NUP210: variants seen among roughly 807,000 people sequenced by gnomAD.
NUP210 encodes the protein nuclear pore membrane glycoprotein 210.
NUP210 carries 151 observed loss-of-function variants against 196.0 expected under a neutral mutation model. The ratio of observed to expected loss-of-function variants is 0.77; its 90% confidence interval spans 0.67 to 0.88. The LOEUF (loss-of-function observed/expected upper bound fraction) is 0.88. Ranked by LOEUF, NUP210 falls within the 40% of genes least tolerant of loss-of-function variation. The pLI is 0.00. For synonymous variants in NUP210, 1,070 were observed against 1,052.7 expected, an observed-to-expected ratio of 1.02 and a Z score of -0.32; for missense variants, 2,314 against 2,493.7, an observed-to-expected ratio of 0.93 and a Z score of 1.53.
At chr3:13,334,300 G>C (rs534641047) in intron 28 of NUP210, among the ~76,000 whole-genome samples, 2 of 152,276 alleles carry the variant, frequency 1.3e-5, no homozygotes, top group Non-Finnish European at 1.5e-5. Context: ...TCCATGATAG[G>C]CTCCAGGACT....
Position 13,373,803 on chromosome 3 carries a change from C to T in NUP210, c.1502G>A (p.Gly501Asp). The T allele has an allele frequency of 6.2e-7, 1 of 1,614,176 alleles. No individual in the cohort carries two copies. The change falls in exon 12 of 40, where the codon GGC becomes GAC. Residue 501 changes from glycine to aspartate, a missense_variant. Transcript: ENST00000254508. ...SHLVATVTVK[G>D]VMTTGSDIGF... ...GATGTCACTGCCTGTGGTCATCACG[C>T]CCTTGACAGTAACTGTGGCAACCAG...
At chr3:13,371,755 T>A in intron 13 of NUP210, 79 bp downstream of exon 13, 1 of 1,332,222 alleles carries the variant, frequency 7.5e-7, no homozygotes, top group Non-Finnish European at 1.0e-6. Flanking sequence ...TCTTTGGGAA[T>A]CTGGCGGTCC....
In NUP210 at chr3:13,348,707, T is replaced by C. The variant is rs2124872891; in HGVS notation, c.2835+3172A>G. 1 of 985,328 alleles carries C rather than the reference T, an allele frequency of 1.0e-6. No individual in the cohort carries two copies. Among genetic ancestry groups the C allele is most frequent in the East Asian group, 1.1e-4 (1 of 8,796 alleles). The allele number at this position is 985,328 out of a possible 1,614,324, so 61.0% of individuals were successfully genotyped here. A position where few individuals can be genotyped will look rare whatever the true frequency, so the allele number is the denominator to read the frequency against. ...CCAGTGTCCTCCAACCACAAGCATG[T>C]CCCCAGCTGCTGAGGGCGTCCTGCC... On this transcript the variant is annotated intron_variant, in intron 20 of 39. Transcript: ENST00000254508. The surrounding 1 kb of genome is among the most constrained non-coding windows in gnomAD (Gnocchi z 4.0).
At chr3:13,329,050 C>A in intron 30 of NUP210, 104 bp from the exon 31 acceptor site, 1 of 975,836 alleles carries the variant, frequency 1.0e-6, no homozygotes, top group African/African-American at 1.6e-5. Context: ...CAGGATCCAC[C>A]TCAGGAACAA....
At chr3:13,337,995 A>T in intron 25 of NUP210, 78 bp from the exon 26 acceptor site, 1 of 1,369,120 alleles carries the variant, frequency 7.3e-7, no homozygotes, top group East Asian at 2.4e-5. Flanking sequence ...CCCTCAAGGG[A>T]AGCAGGCTGC....
chr3:13,355,135 T>G (rs1698124934), intron 16 of NUP210, among the ~76,000 whole-genome samples: 1 of 152,200 alleles, frequency 6.6e-6, no homozygotes, highest in Non-Finnish European at 1.5e-5. Flanking sequence ...GATTTAAATA[T>G]GGGGACTGCA....
intron 1 of NUP210, among the ~76,000 whole-genome samples, chr3:13,408,901 A>AAAGCTCCGTGCT (rs1446691221): frequency 2.0e-5 from 3 of 152,182 alleles, no homozygotes; most frequent in African/African-American, 7.2e-5. Flanking sequence ...GGGCATCCCA[A>AAAGCTCCGTGCT]AAGCTCCGTG....
chr3:13,342,058 A>C lies in NUP210; in HGVS notation c.3030T>G (p.Leu1010=), dbSNP rs780541911. The C allele has an allele frequency of 1.6e-5, 26 of 1,614,174 alleles. 1 individual carries two copies. In the South Asian group the frequency reaches 2.5e-4, roughly 16 times the overall value. The change falls in exon 22 of 40, where the codon CTT becomes CTG. Residue 1010 remains leucine, a synonymous_variant. Coordinates refer to ENST00000254508, the MANE Select transcript of NUP210 (RefSeq NM_024923.4). ...GGTCCATAAAGGGGAAGTATTTGGC[A>C]AGGAAGGGCTTCTTGTGCAAGTCCA... ...RVLDLHKKPF[L]AKYFPFMDLK...
rs980466582 is a variant in NUP210, at chr3:13,339,744, C to A, written c.3471+110G>T. On this transcript the variant is annotated intron_variant, in intron 25 of 39. Coordinates refer to ENST00000254508, the MANE Select transcript of NUP210 (RefSeq NM_024923.4). Reference sequence around the variant, plus strand: ...CTGCAGTGACTGCAGACCCAGGGGGCAGAAGCAGCACCCTTGGAGAGGGGT... The same window carrying A: ...CTGCAGTGACTGCAGACCCAGGGGGAAGAAGCAGCACCCTTGGAGAGGGGT... 2.2e-4 allele frequency: 218 copies of A among 1,010,526 alleles called. No homozygotes were observed. The Middle Eastern group carries it at 2.4e-3, about 11-fold the overall frequency. 62.6% of individuals were successfully genotyped at this position (1,010,526 alleles called of 1,614,324 possible).
chr3:13,364,086 C>G (rs955657116), intron 14 of NUP210, among the ~76,000 whole-genome samples: 1 of 152,132 alleles, frequency 6.6e-6, no homozygotes, highest in Non-Finnish European at 1.5e-5. Context: ...TCTTGATCTC[C>G]TCATTTTAAA....
intron 12 of NUP210, 150 bp downstream of exon 12, chr3:13,373,568 A>T (rs1216955905): frequency 2.9e-6 from 2 of 693,504 alleles, no homozygotes; most frequent in Non-Finnish European, 4.8e-6. Context: ...CATGGCCGTG[A>T]GCTCCTAAGG....
At chr3:13,415,323 CT>C (rs1172819717) in intron 1 of NUP210, among the ~76,000 whole-genome samples, 1 of 152,230 alleles carries the variant, frequency 6.6e-6, no homozygotes, top group Non-Finnish European at 1.5e-5. Flanking sequence ...TGCTTGTCCC[CT>C]GGTGCTCAGG....
In NUP210 at chr3:13,330,353, C is replaced by T. The variant is rs1178257598; in HGVS notation, c.4110+107G>A. 6.4e-6 allele frequency: 7 copies of T among 1,093,864 alleles called. No homozygotes were observed. The East Asian group carries it at 1.2e-4, about 19-fold the overall frequency. The allele number at this position is 1,093,864 out of a possible 1,614,324, so 67.8% of individuals were successfully genotyped here. On this transcript the variant is annotated intron_variant, in intron 30 of 39. Coordinates refer to ENST00000254508, the MANE Select transcript of NUP210 (RefSeq NM_024923.4). ...CTGAGTTACTCTAAATGCCTGTCTA[C>T]AGTTTCTTAGCTGGAAGGTGAACGT...
At chr3:13,380,777 A>G (rs562799811) in intron 6 of NUP210, among the ~76,000 whole-genome samples, 1 of 152,362 alleles carries the variant, frequency 6.6e-6, no homozygotes, top group South Asian at 2.1e-4. Flanking sequence ...AATTCCAGCT[A>G]AAGCATGTTT....
intron 5 of NUP210, 23 bp from the exon 6 acceptor site, chr3:13,386,430 C>G: frequency 6.2e-7 from 1 of 1,613,390 alleles, no homozygotes; most frequent in Non-Finnish European, 8.5e-7. Flanking sequence ...AAAAGGCAGA[C>G]AAAGTGAGGT....
At chr3:13,322,089 T>G in intron 35 of NUP210, 104 bp downstream of exon 35, 1 of 1,412,230 alleles carries the variant, frequency 7.1e-7, no homozygotes. Context: ...ATCTCTGCCC[T>G]CTGGACAGAC....
intron 29 of NUP210, among the ~76,000 whole-genome samples, chr3:13,331,389 A>C (rs1271492115): frequency 1.3e-5 from 2 of 152,158 alleles, no homozygotes; most frequent in African/African-American, 4.8e-5. Context: ...GATGACTAGG[A>C]GCAAATGTTA....
At chr3:13,396,100 C>T (rs919190975) in intron 3 of NUP210, among the ~76,000 whole-genome samples, 1 of 152,180 alleles carries the variant, frequency 6.6e-6, no homozygotes, top group African/African-American at 2.4e-5. Flanking sequence ...GTGCTCTAAA[C>T]AGTGGTTTGG....
chr3:13,395,665 G>A (rs188757629), intron 3 of NUP210, among the ~76,000 whole-genome samples: 7 of 152,240 alleles, frequency 4.6e-5, no homozygotes, highest in African/African-American at 7.2e-5. Context: ...TGCAGGGGTC[G>A]ACCGTGTTTT....
Sources: gnomAD v4.1 joint callset for allele counts (sites outside exome capture counted in the v4.1 genomes callset) on GRCh38, gnomAD v4.1.1 for gene constraint, Gnocchi (gnomAD v3.1) non-coding constraint, MANE v1.5 for transcripts, NCBI Gene and HGNC (gene_info 2026-07-23, HGNC 2026-07-21) for gene names.